Variants in NAALADL2 observed in about 807,000 individuals in gnomAD.
NAALADL2 encodes the protein N-acetylated alpha-linked acidic dipeptidase like 2.
Under a neutral mutation model 87.2 loss-of-function variants are expected in NAALADL2, and 76 were observed. That is an observed-to-expected ratio of 0.87 (90% CI 0.72 to 1.05). The LOEUF (loss-of-function observed/expected upper bound fraction) is 1.05. Ranked by LOEUF, NAALADL2 falls within the 50% of genes least tolerant of loss-of-function variation. The pLI is 0.00. For synonymous variants in NAALADL2, 354 were observed against 331.0 expected, an observed-to-expected ratio of 1.07 and a Z score of -0.75; for missense variants, 1,089 against 945.8, an observed-to-expected ratio of 1.15 and a Z score of -1.99.
intron 9 of NAALADL2, among the ~76,000 whole-genome samples, chr3:175,565,358 C>T (rs928096739): frequency 2.0e-5 from 3 of 152,090 alleles, no homozygotes; most frequent in African/African-American, 7.2e-5. Context: ...GTGAGGTGTT[C>T]CATATTTAGC....
intron 1 of NAALADL2, 81 bp from the exon 2 acceptor site, chr3:175,096,709 G>T (rs1419620051): frequency 2.3e-6 from 2 of 854,844 alleles, no homozygotes; most frequent in African/African-American, 3.4e-5. Flanking sequence ...ACTCAATATG[G>T]CTTACTGTTT....
intron 1 of NAALADL2, among the ~76,000 whole-genome samples, chr3:175,032,403 CT>C (rs1752903811): frequency 1.3e-5 from 2 of 152,014 alleles, no homozygotes; most frequent in East Asian, 1.9e-4. Context: ...TCAGTGATTT[CT>C]TTTTTTATAT....
intron 5 of NAALADL2, among the ~76,000 whole-genome samples, chr3:175,404,480 A>T (rs933945281): frequency 9.2e-5 from 14 of 152,268 alleles, no homozygotes; most frequent in Admixed American, 4.6e-4. Flanking sequence ...TGTGAGTCTA[A>T]GTGTCCTCCA....
rs1020443343 is a variant in NAALADL2 at position 175,368,102 on chromosome 3, T to G, written c.1090+43777T>G. Among the ~76,000 whole-genome samples, 66 of 152,336 alleles carry G rather than the reference T, an allele frequency of 4.3e-4. 2 individuals carry two copies. Among genetic ancestry groups the G allele is most frequent in the Admixed American group, 3.3e-4 (5 of 15,306 alleles). Reference sequence around the variant, plus strand: ...TTTTGTCAAAGGCCTTTTCTGCATCTATTGAGATAATCATGTGGTTTTTGT... The same window carrying G: ...TTTTGTCAAAGGCCTTTTCTGCATCGATTGAGATAATCATGTGGTTTTTGT... On this transcript the variant is annotated intron_variant, in intron 5 of 13. Coordinates refer to ENST00000454872, the MANE Select transcript of NAALADL2 (RefSeq NM_207015.3).
intron 2 of NAALADL2, among the ~76,000 whole-genome samples, chr3:174,706,238 A>G (rs970485184): frequency 1.3e-5 from 2 of 152,230 alleles, no homozygotes; most frequent in African/African-American, 4.8e-5. Context: ...TGCTGGGGCA[A>G]CTAAATATCC....
chr3:175,656,079 C>G (rs1731424127), intron 11 of NAALADL2, among the ~76,000 whole-genome samples: 1 of 152,124 alleles, frequency 6.6e-6, no homozygotes, highest in Non-Finnish European at 1.5e-5. Flanking sequence ...AATACTATAG[C>G]CGAGTTGCAA....
chr3:174,602,667 G>A (rs35071840), intron 2 of NAALADL2, among the ~76,000 whole-genome samples: 51,061 of 151,734 alleles, frequency 0.34, 9,870 homozygotes, highest in Middle Eastern at 0.46. Context: ...GTACAATGTT[G>A]AATTACTGTG....
At chr3:175,403,399 G>T (rs1296717892) in intron 5 of NAALADL2, among the ~76,000 whole-genome samples, 1 of 152,072 alleles carries the variant, frequency 6.6e-6, no homozygotes, top group African/African-American at 2.4e-5. Flanking sequence ...CAAAATGTCA[G>T]ATCAATATGG....
chr3:175,251,401 G>A (rs187455084), intron 3 of NAALADL2, among the ~76,000 whole-genome samples: 4 of 152,268 alleles, frequency 2.6e-5, no homozygotes, highest in East Asian at 3.9e-4. Flanking sequence ...TAAGTCGCAC[G>A]TCTCAATTAC....
chr3:174,883,255 A>G (rs1036147502), intron 1 of NAALADL2, among the ~76,000 whole-genome samples: 1 of 152,114 alleles, frequency 6.6e-6, no homozygotes, highest in African/African-American at 2.4e-5. Context: ...ACCCTCACAG[A>G]AACACACCAG....
intron 2 of NAALADL2, among the ~76,000 whole-genome samples, chr3:175,112,027 A>G (rs756428561): frequency 6.6e-6 from 1 of 151,662 alleles, no homozygotes; most frequent in African/African-American, 2.4e-5. Context: ...TATAGCTAAT[A>G]ATGGTCCCAT....
intron 4 of NAALADL2, among the ~76,000 whole-genome samples, chr3:175,274,523 T>C (rs1385576901): frequency 6.6e-6 from 1 of 152,224 alleles, no homozygotes; most frequent in Non-Finnish European, 1.5e-5. Flanking sequence ...TTTATTTTGT[T>C]TTAACATGCC....
chr3:175,320,525 G>A (rs1216321089), intron 4 of NAALADL2, among the ~76,000 whole-genome samples: 1 of 152,120 alleles, frequency 6.6e-6, no homozygotes, highest in African/African-American at 2.4e-5. Context: ...TAGTATACTG[G>A]GGTCTGTCAG....
chr3:174,813,481 A>G (rs1222864005), intron 3 of NAALADL2, among the ~76,000 whole-genome samples: 1 of 152,184 alleles, frequency 6.6e-6, no homozygotes, highest in Admixed American at 6.5e-5. Flanking sequence ...AAAAGGCTGT[A>G]GAGGTTTGTA....
At chr3:174,777,648 TG>T (rs1715373686) in intron 3 of NAALADL2, among the ~76,000 whole-genome samples, 1 of 152,132 alleles carries the variant, frequency 6.6e-6, no homozygotes, top group Non-Finnish European at 1.5e-5. Context: ...CACACTAACA[TG>T]GCTGTTAAAT....
intron 10 of NAALADL2, among the ~76,000 whole-genome samples, chr3:175,623,146 T>G (rs958913240): frequency 6.7e-6 from 1 of 149,278 alleles, no homozygotes; most frequent in African/African-American, 2.6e-5. Context: ...GGATAATTTA[T>G]GCATAAAAAA....
intron 1 of NAALADL2, among the ~76,000 whole-genome samples, chr3:174,975,439 A>G (rs1311453979): frequency 6.6e-6 from 1 of 152,120 alleles, no homozygotes; most frequent in Non-Finnish European, 1.5e-5. Context: ...CAAGATTTCC[A>G]TCTCCTGGTG....
At chr3:175,500,473 G>A (rs1729390374) in intron 9 of NAALADL2, among the ~76,000 whole-genome samples, 2 of 151,872 alleles carry the variant, frequency 1.3e-5, no homozygotes, top group African/African-American at 4.8e-5. Context: ...GAACAAGGAG[G>A]ATCAGAAGGT....
At chr3:174,907,343 T>G (rs1164900248) in intron 1 of NAALADL2, among the ~76,000 whole-genome samples, 2 of 152,132 alleles carry the variant, frequency 1.3e-5, no homozygotes, top group African/African-American at 4.8e-5. Context: ...CTGATGACTC[T>G]TTTCCAGTGC....
Sources: gnomAD v4.1 joint callset for allele counts (sites outside exome capture counted in the v4.1 genomes callset) on GRCh38, gnomAD v4.1.1 for gene constraint, MANE v1.5 for transcripts, NCBI Gene and HGNC (gene_info 2026-07-23, HGNC 2026-07-21) for gene names.